PDGFA: variants seen among roughly 807,000 people sequenced by gnomAD.
PDGFA encodes the protein platelet-derived growth factor subunit A.
Under a neutral mutation model 25.6 loss-of-function variants are expected in PDGFA, and 9 were observed. The ratio of observed to expected loss-of-function variants is 0.35; its 90% CI spans 0.21 to 0.61. The LOEUF is 0.61. Ranked by LOEUF, PDGFA falls within the 20% of genes least tolerant of loss-of-function variation. The pLI, the probability that PDGFA is intolerant of heterozygous loss-of-function variation, is 0.75. For synonymous variants in PDGFA, 133 were observed against 111.8 expected (o/e 1.19, Z -1.20); for missense variants, 242 against 272.8 (o/e 0.89, Z 0.79).
At chr7:518,864 C>T in intron 1 of PDGFA, 75 bp downstream of exon 1, 2 of 991,246 alleles carry the variant, frequency 2.0e-6, no homozygotes, top group Non-Finnish European at 2.9e-6. Context: ...TCTGCAGAGC[C>T]CGTGGCGCCC....
At chr7:502,406 T>C (rs1205350580) in intron 4 of PDGFA, among the ~76,000 whole-genome samples, 1 of 151,990 alleles carries the variant, frequency 6.6e-6, no homozygotes, top group Admixed American at 6.5e-5. Flanking sequence ...CAGGGTCCCC[T>C]CATGGCTCCC....
At chr7:504,446 G>A (rs1027691485) in intron 4 of PDGFA, among the ~76,000 whole-genome samples, 30 of 152,250 alleles carry the variant, frequency 2.0e-4, no homozygotes, top group African/African-American at 7.0e-4. Flanking sequence ...GGATCCCAGT[G>A]CGCAAAACCA....
rs545912726 is a variant in PDGFA at position 504,958 on chromosome 7, C to T, written c.454-3716G>A. On this transcript the variant is annotated intron_variant, in intron 4 of 5. Transcript: ENST00000402802. Reference sequence around the variant, plus strand: ...TGGGCACCGTGCGAAAGGCACATGGCACGGCCGCTCGTCTGGGAACCCACT... The same window carrying T: ...TGGGCACCGTGCGAAAGGCACATGGTACGGCCGCTCGTCTGGGAACCCACT... 3.3e-5 allele frequency among the ~76,000 whole-genome samples: 5 copies of T among 152,356 alleles called. No individual in the cohort carries two copies. In the South Asian group the frequency reaches 1.0e-3, roughly 32 times the overall value.
Position 500,618 on chromosome 7 carries a change from G to T in PDGFA, c.580+498C>A. On this transcript the variant is annotated intron_variant, in intron 5 of 5. Transcript: ENST00000402802. This position sits in a 1 kb window ranked among gnomAD's most constrained non-coding sequence, Gnocchi z 5.0. ...TTCCAGAAGAGAAGGCCAGCACCCT[G>T]GCACCGAGAAACTTCTGAGTCCCCT... 6.6e-7 allele frequency: 1 copy of T among 1,522,968 alleles called. No homozygotes were observed. Among genetic ancestry groups the T allele is most frequent in the Non-Finnish European group, 8.8e-7 (1 of 1,140,398 alleles). 94.3% of individuals were successfully genotyped at this position (1,522,968 alleles called of 1,614,324 possible). A position where few individuals can be genotyped will look rare whatever the true frequency, so the allele number is the denominator to read the frequency against.
chr7:514,940 T>C (rs1192712016), intron 2 of PDGFA, among the ~76,000 whole-genome samples: 2 of 151,932 alleles, frequency 1.3e-5, no homozygotes, highest in African/African-American at 4.8e-5. Context: ...CTACCCGTGC[T>C]CCTCCAGCCA....
chr7:507,965 G>C (rs1782633729), intron 4 of PDGFA, among the ~76,000 whole-genome samples: 2 of 152,160 alleles, frequency 1.3e-5, no homozygotes, highest in African/African-American at 2.4e-5. Context: ...AAAATCTTGG[G>C]GCTTCAAAAG....
chr7:501,294 A>G (rs1048872706), intron 4 of PDGFA, 52 bp from the exon 5 acceptor site: 1 of 1,608,718 alleles, frequency 6.2e-7, no homozygotes, highest in African/African-American at 1.3e-5. Context: ...AGCTTCGGAC[A>G]TCACGACGTG....
rs577279290 is a variant in PDGFA at position 497,624 on chromosome 7, C to G, written c.*940G>C. The G allele has an allele frequency of 3.9e-5, 6 of 152,210 alleles. No individual in the cohort carries two copies. The East Asian group carries it at 1.2e-3, about 29-fold the overall frequency. The allele number at this position is 152,210 out of a possible 1,614,324, so 9.4% of individuals were successfully genotyped here. ...CACAAACGGGCTCTGGGGCAGGTGC[C>G]GCAGGGACGGCGTACGATTGGTTGA... On this transcript the variant is annotated 3_prime_UTR_variant, in exon 6 of 6. Coordinates refer to ENST00000402802, the Ensembl canonical transcript of PDGFA.
intron 4 of PDGFA, among the ~76,000 whole-genome samples, chr7:501,803 A>C (rs1280525487): frequency 2.0e-5 from 3 of 152,206 alleles, no homozygotes; most frequent in Non-Finnish European, 2.9e-5. Context: ...GGGGGGCTGA[A>C]GGATGCACAC....
chr7:519,609 C>G (rs1253121858), upstream of PDGFA, among the ~76,000 whole-genome samples: 1 of 145,456 alleles, frequency 6.9e-6, no homozygotes, highest in Non-Finnish European at 1.5e-5. Flanking sequence ...GCGGCGCGCC[C>G]TCGGCTCCGG....
upstream of PDGFA, chr7:520,125 C>T: frequency 2.6e-6 from 1 of 377,606 alleles, no homozygotes; most frequent in Non-Finnish European, 5.3e-6. Context: ...CCCTCCAGTG[C>T]CAGCTGCAAT....
At chr7:512,861 C>T in intron 2 of PDGFA, 1 of 332,872 alleles carries the variant, frequency 3.0e-6, no homozygotes, top group South Asian at 2.5e-5. Flanking sequence ...CCGAGGGGCA[C>T]AGGGCTAAGC....
chr7:512,157 C>T (rs749909841), intron 3 of PDGFA, among the ~76,000 whole-genome samples, 194 bp downstream of exon 3: 1 of 152,194 alleles, frequency 6.6e-6, no homozygotes, highest in Non-Finnish European at 1.5e-5. Flanking sequence ...AGGAGGGAGG[C>T]CTCGGGAGAG....
chr7:502,773 C>G (rs934991883), intron 4 of PDGFA, among the ~76,000 whole-genome samples: 8 of 131,162 alleles, frequency 6.1e-5, no homozygotes, highest in African/African-American at 2.4e-4. Context: ...AGAAATCACA[C>G]ACACACACAC....
chr7:503,938 G>A (rs1452173501), intron 4 of PDGFA, among the ~76,000 whole-genome samples: 2 of 152,090 alleles, frequency 1.3e-5, no homozygotes, highest in South Asian at 2.1e-4. Context: ...CGTTCCACTC[G>A]GGAGGCCTCA....
chr7:509,967 CT>C (rs1782726165), intron 4 of PDGFA, among the ~76,000 whole-genome samples: 1 of 152,132 alleles, frequency 6.6e-6, no homozygotes, highest in Admixed American at 6.5e-5. Context: ...TCCTGGGCTG[CT>C]TTAGGGGGGA....
intron 1 of PDGFA, 56 bp downstream of exon 1, chr7:518,882 CG>C (rs1289601056): frequency 1.5e-5 from 18 of 1,216,916 alleles, no homozygotes; most frequent in African/African-American, 1.6e-5. Context: ...CCCCAGCCGG[CG>C]GGGGGTGTGC....
At chr7:519,377 A>C in exon 1 of PDGFA, 1 of 210,326 alleles carries the variant, frequency 4.8e-6, no homozygotes, top group Non-Finnish European at 9.4e-6. Context: ...CCGGCCGGTA[A>C]TTCTGCATAT....
intron 4 of PDGFA, among the ~76,000 whole-genome samples, chr7:508,859 C>A (rs1194659038): frequency 6.6e-6 from 1 of 152,236 alleles, no homozygotes; most frequent in Non-Finnish European, 1.5e-5. Flanking sequence ...CCTGCAACCC[C>A]ATCCCGAAAA....
Sources: gnomAD v4.1 joint callset for allele counts (sites outside exome capture counted in the v4.1 genomes callset) on GRCh38, gnomAD v4.1.1 for gene constraint, Gnocchi (gnomAD v3.1) non-coding constraint, MANE v1.5 for transcripts, NCBI Gene and HGNC (gene_info 2026-07-23, HGNC 2026-07-21) for gene names.